FYB2: variants seen among roughly 807,000 people sequenced by gnomAD.
The protein encoded by FYB2 is FYN binding protein 2, also known as FYN-binding protein 2.
In FYB2, 103 loss-of-function variants were observed where a neutral mutation model predicts 94.1. The ratio of observed to expected loss-of-function variants is 1.09; its 90% CI spans 0.93 to 1.29. The LOEUF (loss-of-function observed/expected upper bound fraction) is 1.29. Ranked by LOEUF, FYB2 falls within the 50% of genes most tolerant of loss-of-function variation. The pLI is 0.00. For synonymous variants in FYB2, 293 were observed against 287.9 expected (o/e 1.02, Z -0.18); for missense variants, 896 against 841.5 (o/e 1.06, Z -0.80).
In FYB2 at chr1:56,788,993, A is replaced by G; in HGVS notation, c.899T>C (p.Val300Ala). 6.2e-7 allele frequency: 1 copy of G among 1,614,010 alleles called. No individual in the cohort carries two copies. The highest frequency in any genetic ancestry group is 8.5e-7 in the Non-Finnish European group (1 of 1,179,952). Residue 300 changes from valine (V) to alanine (A), a missense_variant, in exon 3 of 20, where the codon GTT becomes GCT. Coordinates refer to ENST00000343433, the MANE Select transcript of FYB2 (RefSeq NM_001004303.5). ...CTTACCTTCCCCCTGAGTCTTGGGA[A>G]CAGCAGCTGGCTGCCTCTGAAAGGC... ...LQAFQRQPAA[V>A]PKTQGEVTVE...
At chr1:56,753,347 G>A (rs958083592) in intron 8 of FYB2, among the ~76,000 whole-genome samples, 1 of 152,074 alleles carries the variant, frequency 6.6e-6, no homozygotes, top group African/African-American at 2.4e-5. Flanking sequence ...GTAGCTTATG[G>A]CTTATGAAAC....
chr1:56,770,877 C>T (rs533179488), intron 4 of FYB2, among the ~76,000 whole-genome samples: 2 of 152,250 alleles, frequency 1.3e-5, no homozygotes, highest in South Asian at 4.1e-4. Flanking sequence ...TAAAGGTAAA[C>T]TCCTAACCTC....
chr1:56,746,082 T>G (rs1645060515), intron 9 of FYB2, among the ~76,000 whole-genome samples: 1 of 139,088 alleles, frequency 7.2e-6, no homozygotes, highest in African/African-American at 3.0e-5. Context: ...CTTGCTTTAT[T>G]TTTTCATATT....
At chr1:56,755,850 A>G in intron 7 of FYB2, 46 bp downstream of exon 7, 1 of 1,545,786 alleles carries the variant, frequency 6.5e-7, no homozygotes, top group South Asian at 1.1e-5. Context: ...GTCATCAGAA[A>G]GTCAGTGCTT....
intron 4 of FYB2, among the ~76,000 whole-genome samples, chr1:56,779,493 A>G (rs1398880916): frequency 6.6e-6 from 1 of 152,204 alleles, no homozygotes; most frequent in Admixed American, 6.5e-5. Flanking sequence ...TGCAAGGGCA[A>G]AGGAAGTGCT....
chr1:56,812,997 G>T (rs1185255467), intron 1 of FYB2, among the ~76,000 whole-genome samples: 1 of 152,178 alleles, frequency 6.6e-6, no homozygotes, highest in Non-Finnish European at 1.5e-5. Context: ...AGCAGGGTTG[G>T]TTCTTTTCTG....
At chr1:56,757,959 T>G (rs1365177739) in intron 6 of FYB2, among the ~76,000 whole-genome samples, 1 of 134,184 alleles carries the variant, frequency 7.5e-6, no homozygotes, top group Non-Finnish European at 1.6e-5. Flanking sequence ...TTTTTTTTTT[T>G]GTAGGGACAG....
At chr1:56,736,205 G>A (rs930326204) in intron 15 of FYB2, among the ~76,000 whole-genome samples, 2 of 151,918 alleles carry the variant, frequency 1.3e-5, no homozygotes, top group African/African-American at 2.4e-5. Flanking sequence ...ATATAGAGAA[G>A]ACAAATAAAG....
At chr1:56,767,260 A>C (rs1645645632) in intron 5 of FYB2, among the ~76,000 whole-genome samples, 1 of 152,198 alleles carries the variant, frequency 6.6e-6, no homozygotes, top group East Asian at 1.9e-4. Flanking sequence ...CTGCTCCCTC[A>C]TCTTTTTACA....
At chr1:56,740,664 C>T (rs1178594162) in intron 13 of FYB2, 33 bp downstream of exon 13, 4 of 1,314,854 alleles carry the variant, frequency 3.0e-6, no homozygotes, top group South Asian at 1.3e-5. Flanking sequence ...AGGTTAATCC[C>T]CTCGTGGAAA....
rs188046279 is a variant in FYB2, at chr1:56,754,669, T to C, written c.1131-734A>G. On this transcript the variant is annotated intron_variant, in intron 7 of 19. Transcript: ENST00000343433. Reference sequence around the variant, plus strand: ...TGTTGTTAAACTTCCATAGCAGTGATAATATTTTATTGTGATTTCCTATTT... The same window carrying C: ...TGTTGTTAAACTTCCATAGCAGTGACAATATTTTATTGTGATTTCCTATTT... Among the ~76,000 whole-genome samples the C allele has an allele frequency of 5.6e-4, 85 of 152,222 alleles. 1 individual carries two copies. The highest frequency in any genetic ancestry group is 9.2e-4 in the Admixed American group (14 of 15,280).
At chr1:56,811,369 C>A (rs781315783) in intron 1 of FYB2, among the ~76,000 whole-genome samples, 10 of 152,178 alleles carry the variant, frequency 6.6e-5, no homozygotes, top group Non-Finnish European at 1.2e-4. Flanking sequence ...CTTTCCCTCC[C>A]TTCCCACCTG....
chr1:56,721,774 A>AT (rs1407519935), intron 17 of FYB2, among the ~76,000 whole-genome samples: 1 of 152,088 alleles, frequency 6.6e-6, no homozygotes, highest in Admixed American at 6.6e-5. Flanking sequence ...ACCACTTCAC[A>AT]TGAAGACTGT....
At chr1:56,802,925 T>A (rs1466660624) in intron 1 of FYB2, among the ~76,000 whole-genome samples, 1 of 152,198 alleles carries the variant, frequency 6.6e-6, no homozygotes, top group Non-Finnish European at 1.5e-5. Context: ...CTTCCTAGCA[T>A]CAACATGAAA....
intron 8 of FYB2, 130 bp downstream of exon 8, chr1:56,753,709 A>T (rs1645256070): frequency 1.6e-6 from 1 of 644,420 alleles, no homozygotes; most frequent in East Asian, 2.7e-5. Context: ...TATTTCCTTG[A>T]TACAATATCA....
chr1:56,729,704 A>G (rs1160072162), intron 15 of FYB2, among the ~76,000 whole-genome samples: 1 of 152,104 alleles, frequency 6.6e-6, no homozygotes, highest in African/African-American at 2.4e-5. Context: ...TCTACAGAAC[A>G]TGTTACTCAT....
chr1:56,742,240 C>T lies in FYB2; in HGVS notation c.1544-19G>A. The T allele has an allele frequency of 6.5e-7, 1 of 1,538,210 alleles. No homozygotes were observed. The highest frequency in any genetic ancestry group is 2.3e-5 in the East Asian group (1 of 44,124). On this transcript the variant is annotated intron_variant, in intron 11 of 19. Transcript: ENST00000343433. ...TTTTCTTCTGAAATTAGAAGAAAAC[C>T]CTACTTATATTCATTATAATAGCAA...
intron 4 of FYB2, among the ~76,000 whole-genome samples, chr1:56,776,908 G>A (rs111623390): frequency 6.6e-6 from 1 of 151,808 alleles, no homozygotes; most frequent in African/African-American, 2.4e-5. Context: ...CCTGGGGGAA[G>A]GATTTGATTT....
At chr1:56,757,944 AT>A (rs57915983) in intron 6 of FYB2, among the ~76,000 whole-genome samples, 2,758 of 139,190 alleles carry the variant, frequency 0.02, 72 homozygotes, top group African/African-American at 0.06. Flanking sequence ...TAATTTTTGT[AT>A]TTTTTTTTTT....
Sources: allele counts gnomAD v4.1 joint callset (sites outside exome capture counted in the v4.1 genomes callset), GRCh38; gene constraint gnomAD v4.1.1; transcripts MANE v1.5; gene names NCBI Gene and HGNC (gene_info 2026-07-23, HGNC 2026-07-21).